The following INSYN2B variants were observed in gnomAD, a reference collection of about 807,000 sequenced individuals.
INSYN2B encodes the protein protein INSYN2B.
In INSYN2B, 16 loss-of-function variants were observed where a neutral mutation model predicts 41.2. That is an observed-to-expected ratio of 0.39 (90% CI 0.26 to 0.59). The LOEUF (loss-of-function observed/expected upper bound fraction) is 0.59, where lower values mean the gene tolerates loss of function less well. Among genes scored for constraint, INSYN2B ranks in the 20% least tolerant of loss-of-function variants. INSYN2B has a pLI of 0.57. For missense variants in INSYN2B, 608 were observed against 646.4 expected, an observed-to-expected ratio of 0.94 and a Z score of 0.64; for synonymous variants, 245 against 244.4, an observed-to-expected ratio of 1.00 and a Z score of -0.02.
Position 169,871,001 on chromosome 5 carries a change from G to A in INSYN2B, c.1422-6542C>T, listed in dbSNP as rs146697266. ...GTGTCTGGTAAGGGCCCTCTTCCTGGTCTACAGACAGCTGTATTCCCTTGC... is the reference window on the plus strand; with the variant it reads ...GTGTCTGGTAAGGGCCCTCTTCCTGATCTACAGACAGCTGTATTCCCTTGC... On this transcript the variant is annotated intron_variant, in intron 3 of 3. Transcript: ENST00000377365. Among the ~76,000 whole-genome samples the A allele has an allele frequency of 2.5e-4, 38 of 152,284 alleles. No homozygotes were observed. The East Asian group carries it at 7.2e-3, about 29-fold the overall frequency.
At chr5:169,932,127 T>A (rs1581436474) in intron 1 of INSYN2B, among the ~76,000 whole-genome samples, 1 of 152,152 alleles carries the variant, frequency 6.6e-6, no homozygotes, top group East Asian at 1.9e-4. Context: ...TGAGATAAAG[T>A]GGCGTAAGAG....
intron 1 of INSYN2B, among the ~76,000 whole-genome samples, chr5:169,964,627 A>T (rs1777228027): frequency 6.6e-6 from 1 of 152,210 alleles, no homozygotes; most frequent in Non-Finnish European, 1.5e-5. Context: ...CAAAGTTGGT[A>T]AGCCAAAAGT....
At chr5:169,936,136 C>T (rs1775982635) in intron 1 of INSYN2B, among the ~76,000 whole-genome samples, 1 of 152,130 alleles carries the variant, frequency 6.6e-6, no homozygotes, top group South Asian at 2.1e-4. Context: ...CCTGTCTGCC[C>T]TTGAGGAGAT....
chr5:169,952,801 G>C (rs1776714116), intron 1 of INSYN2B, among the ~76,000 whole-genome samples: 1 of 152,130 alleles, frequency 6.6e-6, no homozygotes, highest in African/African-American at 2.4e-5. Flanking sequence ...TTGCCACATG[G>C]AGAGTGAAGC....
At chr5:169,891,629 C>T (rs1773288255) in intron 1 of INSYN2B, among the ~76,000 whole-genome samples, 1 of 152,078 alleles carries the variant, frequency 6.6e-6, no homozygotes, top group African/African-American at 2.4e-5. Context: ...CAACCCCCCT[C>T]ATTATAGAGA....
intron 3 of INSYN2B, among the ~76,000 whole-genome samples, chr5:169,876,123 C>T (rs897853059): frequency 4.6e-5 from 7 of 152,166 alleles, no homozygotes; most frequent in Non-Finnish European, 8.8e-5. Flanking sequence ...TTGCCTCTGG[C>T]GTCACATCTC....
At chr5:169,953,356 A>G (rs1392647305) in intron 1 of INSYN2B, among the ~76,000 whole-genome samples, 5 of 149,084 alleles carry the variant, frequency 3.4e-5, no homozygotes, top group Admixed American at 2.0e-4. Flanking sequence ...AAAGAGAGAG[A>G]GAGAGTTTGG....
intron 1 of INSYN2B, among the ~76,000 whole-genome samples, chr5:169,971,511 C>A (rs1392367555): frequency 3.3e-5 from 5 of 150,162 alleles, no homozygotes; most frequent in Non-Finnish European, 5.9e-5. Flanking sequence ...TAATGTGAAA[C>A]CTTGGAGTCA....
intron 1 of INSYN2B, among the ~76,000 whole-genome samples, chr5:169,955,207 A>G (rs2113733268): frequency 6.6e-6 from 1 of 152,342 alleles, no homozygotes; most frequent in South Asian, 2.1e-4. Flanking sequence ...GTTAGGGTTC[A>G]GAGTGGTCCT....
chr5:169,886,832 C>T (rs567421696), intron 1 of INSYN2B, among the ~76,000 whole-genome samples: 4 of 152,276 alleles, frequency 2.6e-5, no homozygotes, highest in East Asian at 1.9e-4. Flanking sequence ...ATTCTGGGAA[C>T]GATAACTCAC....
In INSYN2B at chr5:169,864,294, C is replaced by A; in HGVS notation, c.1587G>T (p.Lys529Asn). Residue 529 changes from lysine (K) to asparagine (N), a missense_variant, in exon 4 of 4, where the codon AAG becomes AAT. Lys to Asn is a moderately conservative substitution (Grantham distance 94, BLOSUM62 0). Coordinates refer to ENST00000377365, the MANE Select transcript of INSYN2B (RefSeq NM_001129891.3). Reference protein sequence around the residue: ...DLRRKTKKVKKKCFWWI With the variant: ...DLRRKTKKVKNKCFWWI ...CAGCTCAGATCCACCAGAAGCATTT[C>A]TTTTTCACCTTCTTGGTTTTCCGCC... 6.4e-7 allele frequency: 1 copy of A among 1,551,572 alleles called. No individual in the cohort carries two copies. The highest frequency in any genetic ancestry group is 1.2e-5 in the South Asian group (1 of 84,054).
intron 1 of INSYN2B, among the ~76,000 whole-genome samples, chr5:169,905,075 C>T (rs1774199854): frequency 6.6e-6 from 1 of 152,130 alleles, no homozygotes; most frequent in South Asian, 2.1e-4. Context: ...TTCAGGGAGG[C>T]CGTGCAGAGT....
At chr5:169,938,072 C>T (rs1029410632) in intron 1 of INSYN2B, among the ~76,000 whole-genome samples, 1 of 152,222 alleles carries the variant, frequency 6.6e-6, no homozygotes, top group African/African-American at 2.4e-5. Flanking sequence ...TTATTCAGTA[C>T]ACATCTATTG....
intron 1 of INSYN2B, among the ~76,000 whole-genome samples, chr5:169,950,467 G>A (rs576242845): frequency 6.6e-6 from 1 of 152,234 alleles, no homozygotes; most frequent in African/African-American, 2.4e-5. Context: ...AACAGAAGTG[G>A]AGATCACTGT....
At chr5:169,879,808 G>A (rs548697448) in intron 3 of INSYN2B, among the ~76,000 whole-genome samples, 1 of 152,256 alleles carries the variant, frequency 6.6e-6, no homozygotes, top group South Asian at 2.1e-4. Context: ...ATTTGCCCAA[G>A]GCGAGGTCAT....
intron 1 of INSYN2B, among the ~76,000 whole-genome samples, chr5:169,903,808 G>A: frequency 6.6e-6 from 1 of 152,096 alleles, no homozygotes; most frequent in South Asian, 2.1e-4. Context: ...GTGGGTTTTA[G>A]GGGAGGAGAA....
chr5:169,969,300 C>T (rs1443863126), intron 1 of INSYN2B, among the ~76,000 whole-genome samples: 1 of 151,956 alleles, frequency 6.6e-6, no homozygotes, highest in African/African-American at 2.4e-5. Context: ...CAAAAATTAG[C>T]TGGGTGTGGT....
intron 3 of INSYN2B, among the ~76,000 whole-genome samples, chr5:169,877,813 C>T (rs1772415798): frequency 6.6e-6 from 1 of 152,056 alleles, no homozygotes; most frequent in African/African-American, 2.4e-5. Flanking sequence ...ACAAACAAAA[C>T]CTCTTCTATT....
At position 169,867,689 on chromosome 5, in the gene INSYN2B, A is replaced by C. The variant is rs143301638; in HGVS notation, c.1422-3230T>G. The stretch of plus-strand genomic sequence containing the variant: ...TTTGTCTCTATCTATTGATCCCCCC[A>C]CACACATAGATCGCACACATACACA... On this transcript the variant is annotated intron_variant, in intron 3 of 3. Coordinates refer to ENST00000377365, the MANE Select transcript of INSYN2B (RefSeq NM_001129891.3). Among the ~76,000 whole-genome samples, 27 of 152,128 alleles carry C rather than the reference A, an allele frequency of 1.8e-4. No homozygotes were observed. In the East Asian group the frequency reaches 3.1e-3, roughly 17 times the overall value.
Sources: allele counts gnomAD v4.1 joint callset (sites outside exome capture counted in the v4.1 genomes callset), GRCh38; gene constraint gnomAD v4.1.1; transcripts MANE v1.5; gene names NCBI Gene and HGNC (gene_info 2026-07-23, HGNC 2026-07-21).